SLC24A3: variants seen among roughly 807,000 people sequenced by gnomAD.
The protein encoded by SLC24A3 is sodium/potassium/calcium exchanger 3.
A neutral mutation model predicts 75.8 loss-of-function variants in SLC24A3; 28 were observed. That is an observed-to-expected ratio of 0.37 (90% confidence interval 0.27 to 0.51). The LOEUF (loss-of-function observed/expected upper bound fraction) is 0.51. Among genes scored for constraint, SLC24A3 ranks in the 20% least tolerant of loss-of-function variants. The pLI is 0.94. For missense variants in SLC24A3, 663 were observed against 847.8 expected (o/e 0.78, Z 2.71); for synonymous variants, 372 against 334.1 (o/e 1.11, Z -1.24).
At chr20:19,306,920 T>G (rs1984347477) in intron 2 of SLC24A3, among the ~76,000 whole-genome samples, 1 of 152,190 alleles carries the variant, frequency 6.6e-6, no homozygotes, top group Non-Finnish European at 1.5e-5. Flanking sequence ...TGACACTGCA[T>G]AGCTTTTCTG....
At chr20:19,221,233 C>T (rs957309796) in intron 1 of SLC24A3, among the ~76,000 whole-genome samples, 11 of 152,154 alleles carry the variant, frequency 7.2e-5, no homozygotes, top group African/African-American at 2.7e-4. Flanking sequence ...CTTCCATCTC[C>T]TCTCAATATG....
rs1249026578 is a variant in SLC24A3 at position 19,653,233 on chromosome 20, CCTT to C, written c.613-825_613-823del. On this transcript the variant is annotated intron_variant, in intron 6 of 16. Transcript: ENST00000328041. ...CCACCTCCAGCCCTGGCTCCTCTGC[CCTT>C]CTTTGCACCTAGCAGCCCCCTCCTC... 5.3e-5 allele frequency among the ~76,000 whole-genome samples: 8 copies of C among 152,324 alleles called. No individual in the cohort carries two copies. In the East Asian group the frequency reaches 1.5e-3, roughly 29 times the overall value.
chr20:19,462,003 AT>A (rs1987685467), intron 2 of SLC24A3, among the ~76,000 whole-genome samples: 1 of 151,960 alleles, frequency 6.6e-6, no homozygotes, highest in Admixed American at 6.6e-5. Context: ...GTCTTAAATC[AT>A]TTTTTTCTTT....
chr20:19,454,230 A>C (rs190007291), intron 2 of SLC24A3, among the ~76,000 whole-genome samples: 8 of 152,300 alleles, frequency 5.3e-5, no homozygotes, highest in Admixed American at 4.6e-4. Context: ...TCAAACTGTC[A>C]TCAGAGTAGC....
intron 2 of SLC24A3, among the ~76,000 whole-genome samples, chr20:19,357,483 T>G (rs1293098152): frequency 6.6e-6 from 1 of 152,242 alleles, no homozygotes; most frequent in African/African-American, 2.4e-5. Context: ...CTATTTTTTC[T>G]TATTAACTGT....
chr20:19,286,195 G>A (rs1372435574), intron 2 of SLC24A3, among the ~76,000 whole-genome samples: 2 of 152,158 alleles, frequency 1.3e-5, no homozygotes, highest in Admixed American at 1.3e-4. Flanking sequence ...CTGCCCTATG[G>A]GGATGGCCAG....
At chr20:19,536,056 T>C (rs1461973680) in intron 3 of SLC24A3, among the ~76,000 whole-genome samples, 1 of 152,106 alleles carries the variant, frequency 6.6e-6, no homozygotes, top group Non-Finnish European at 1.5e-5. Flanking sequence ...TTTGCCACAT[T>C]GAGGATCAAG....
intron 2 of SLC24A3, among the ~76,000 whole-genome samples, chr20:19,386,298 CA>C (rs1296798583): frequency 6.6e-6 from 1 of 152,168 alleles, no homozygotes; most frequent in East Asian, 1.9e-4. Context: ...ATTTATTTAT[CA>C]GTTCTAACAG....
At chr20:19,714,432 AAAAG>A (rs2033022754) in intron 15 of SLC24A3, among the ~76,000 whole-genome samples, 1 of 151,348 alleles carries the variant, frequency 6.6e-6, no homozygotes, top group African/African-American at 2.4e-5. Context: ...AAAAACAACA[AAAAG>A]AGGCAATGGC....
At chr20:19,441,676 T>C (rs1346243346) in intron 2 of SLC24A3, among the ~76,000 whole-genome samples, 1 of 152,166 alleles carries the variant, frequency 6.6e-6, no homozygotes, top group East Asian at 1.9e-4. Context: ...TAATGATGCA[T>C]TATTATTAAC....
intron 3 of SLC24A3, among the ~76,000 whole-genome samples, chr20:19,547,727 C>T (rs2030624478): frequency 6.6e-6 from 1 of 152,252 alleles, no homozygotes; most frequent in Non-Finnish European, 1.5e-5. Context: ...TGCCCTGAGC[C>T]CAGCTCAGAT....
intron 2 of SLC24A3, among the ~76,000 whole-genome samples, chr20:19,449,032 G>T (rs2122478923): frequency 6.6e-6 from 1 of 152,330 alleles, no homozygotes; most frequent in South Asian, 2.1e-4. Flanking sequence ...TTGTTCAGGA[G>T]TCATTTATTA....
rs745356718 is a variant in SLC24A3, at chr20:19,385,823, C to G, written c.271+104736C>G. Among the ~76,000 whole-genome samples, 4 of 152,126 alleles carry G rather than the reference C, an allele frequency of 2.6e-5. No individual in the cohort carries two copies. The Middle Eastern group carries it at 0.01, about 388-fold the overall frequency. On this transcript the variant is annotated intron_variant, in intron 2 of 16. Transcript: ENST00000328041. ...TGCCAGGATCTTATTTTTGTAGAGACAAAGTCTCAAACTGTGTTGCCCAGG... is the reference window on the plus strand; with the variant it reads ...TGCCAGGATCTTATTTTTGTAGAGAGAAAGTCTCAAACTGTGTTGCCCAGG...
Position 19,557,457 on chromosome 20 carries a change from T to A in SLC24A3, c.349-22543T>A, listed in dbSNP as rs147131455. Among the ~76,000 whole-genome samples, 11 of 152,314 alleles carry A rather than the reference T, an allele frequency of 7.2e-5. No individual in the cohort carries two copies. The East Asian group carries it at 2.1e-3, about 29-fold the overall frequency. On this transcript the variant is annotated intron_variant, in intron 3 of 16. Coordinates refer to ENST00000328041, the MANE Select transcript of SLC24A3 (RefSeq NM_020689.4). ...CCCCCAGTGTCAGTTACTAAACATTTGCAAGCTAACCCCTATGTCCATCTA... is the reference window on the plus strand; with the variant it reads ...CCCCCAGTGTCAGTTACTAAACATTAGCAAGCTAACCCCTATGTCCATCTA...
intron 7 of SLC24A3, among the ~76,000 whole-genome samples, chr20:19,657,934 C>T (rs1411150171): frequency 1.3e-5 from 2 of 152,188 alleles, no homozygotes; most frequent in Non-Finnish European, 2.9e-5. Context: ...AGCCCTTCCT[C>T]GTACCCACCA....
intron 7 of SLC24A3, among the ~76,000 whole-genome samples, chr20:19,654,678 C>T (rs1312511666): frequency 1.5e-5 from 2 of 132,136 alleles, no homozygotes; most frequent in Admixed American, 8.2e-5. Context: ...GATAGAGTCT[C>T]ACTCTGTTGC....
chr20:19,263,160 G>A (rs1223367026), intron 1 of SLC24A3, among the ~76,000 whole-genome samples: 1 of 151,996 alleles, frequency 6.6e-6, no homozygotes, highest in Non-Finnish European at 1.5e-5. Context: ...CCCATCAGAT[G>A]ACTTGCTGAC....
intron 2 of SLC24A3, among the ~76,000 whole-genome samples, chr20:19,410,020 AAAT>A (rs1183749942): frequency 4.6e-5 from 7 of 152,186 alleles, no homozygotes; most frequent in African/African-American, 1.2e-4. Flanking sequence ...AAAATCTAAA[AAAT>A]AAAGTATGTC....
chr20:19,687,612 G>GGCT (rs2032693093), intron 12 of SLC24A3, among the ~76,000 whole-genome samples: 2 of 152,194 alleles, frequency 1.3e-5, no homozygotes, highest in Non-Finnish European at 2.9e-5. Flanking sequence ...TTCTGTAAGT[G>GGCT]ACCAAGTTCT....
Sources: gnomAD v4.1 joint callset for allele counts (sites outside exome capture counted in the v4.1 genomes callset) on GRCh38, gnomAD v4.1.1 for gene constraint, MANE v1.5 for transcripts, NCBI Gene and HGNC (gene_info 2026-07-23, HGNC 2026-07-21) for gene names.